The following GRIP1 variants were observed in gnomAD, a reference collection of about 807,000 sequenced individuals.
GRIP1 encodes glutamate receptor interacting protein 1.
In GRIP1, 45 loss-of-function variants were observed where a neutral mutation model predicts 129.9. The ratio of observed to expected loss-of-function variants is 0.35; its 90% CI spans 0.27 to 0.44. GRIP1 has a LOEUF of 0.44. Among genes scored for constraint, GRIP1 ranks in the 20% least tolerant of loss-of-function variants. GRIP1 has a pLI of 1.00. For synonymous variants in GRIP1, 530 were observed against 520.8 expected (o/e 1.02, Z -0.24); for missense variants, 1,196 against 1,396.8 (o/e 0.86, Z 2.29).
intron 16 of GRIP1, among the ~76,000 whole-genome samples, 179 bp from the exon 17 acceptor site, chr12:66,394,531 T>C (rs2056717743): frequency 6.6e-6 from 1 of 152,230 alleles, no homozygotes; most frequent in African/African-American, 2.4e-5. Context: ...TACAGGGATA[T>C]AATCATTGTC....
chr12:66,774,807 TG>T (rs1168361353), intron 1 of GRIP1, among the ~76,000 whole-genome samples: 3 of 152,204 alleles, frequency 2.0e-5, no homozygotes, highest in Non-Finnish European at 4.4e-5. Context: ...TTTTAAGGGC[TG>T]GCTTAGAATC....
chr12:66,430,213 C>CT (rs1274113421), intron 14 of GRIP1, among the ~76,000 whole-genome samples: 1 of 152,054 alleles, frequency 6.6e-6, no homozygotes, highest in East Asian at 1.9e-4. Flanking sequence ...TTTTGTTTTT[C>CT]TTTTTTTAAA....
rs1387423697 is a variant in GRIP1 at position 66,945,563 on chromosome 12, AG to A, written c.58+123486del. Among the ~76,000 whole-genome samples, 7 of 149,918 alleles carry A rather than the reference AG, an allele frequency of 4.7e-5. 1 individual carries two copies. In the Middle Eastern group the frequency reaches 0.017, roughly 364 times the overall value. On this transcript the variant is annotated intron_variant, in intron 1 of 1. Transcript: ENST00000643019. ...GCAAAGGCAAAAGCAGAAGCAAGAG[AG>A]TGGGAGGGGGTGGGAGGTGCCACAT...
At chr12:66,691,852 A>G (rs764054764) in intron 1 of GRIP1, among the ~76,000 whole-genome samples, 1 of 152,212 alleles carries the variant, frequency 6.6e-6, no homozygotes, top group Non-Finnish European at 1.5e-5. Flanking sequence ...TATTTTGCAG[A>G]AGCATGCTAA....
At chr12:66,703,443 G>A (rs2035417982) in intron 1 of GRIP1, among the ~76,000 whole-genome samples, 2 of 152,052 alleles carry the variant, frequency 1.3e-5, no homozygotes, top group Non-Finnish European at 2.9e-5. Context: ...CATGGGAGAG[G>A]GCAAAGGGAG....
intron 1 of GRIP1, among the ~76,000 whole-genome samples, chr12:67,049,757 CTTT>C (rs2043311746): frequency 6.7e-6 from 1 of 150,066 alleles, no homozygotes; most frequent in Admixed American, 6.6e-5. Context: ...GACTTAGCTT[CTTT>C]AAGCCCTTTG....
chr12:66,962,680 T>A (rs1005819619), intron 1 of GRIP1, among the ~76,000 whole-genome samples: 2 of 152,086 alleles, frequency 1.3e-5, no homozygotes, highest in Non-Finnish European at 2.9e-5. Context: ...TTCGAGGTCC[T>A]AAATAAAGAT....
chr12:66,475,792 C>A (rs919124468), intron 7 of GRIP1, among the ~76,000 whole-genome samples: 1 of 152,124 alleles, frequency 6.6e-6, no homozygotes, highest in East Asian at 1.9e-4. Context: ...AGAACAAAGA[C>A]ACAACATACC....
chr12:66,367,089 A>G (rs1419158260), intron 23 of GRIP1, among the ~76,000 whole-genome samples: 1 of 152,198 alleles, frequency 6.6e-6, no homozygotes, highest in Non-Finnish European at 1.5e-5. Flanking sequence ...GCCAGAACTC[A>G]TTTCAGAAAC....
chr12:66,628,415 C>T (rs1017314269), intron 1 of GRIP1, among the ~76,000 whole-genome samples: 1 of 152,138 alleles, frequency 6.6e-6, no homozygotes, highest in Non-Finnish European at 1.5e-5. Context: ...CTAACATGTA[C>T]AAGGAACCAG....
intron 1 of GRIP1, among the ~76,000 whole-genome samples, chr12:66,641,852 C>T (rs866773526): frequency 3.9e-5 from 6 of 151,924 alleles, no homozygotes; most frequent in Non-Finnish European, 7.4e-5. Context: ...TGAACATATG[C>T]GAAGTAGAAA....
chr12:66,412,235 A>G (rs1486092974), intron 15 of GRIP1, among the ~76,000 whole-genome samples: 2 of 152,168 alleles, frequency 1.3e-5, no homozygotes, highest in South Asian at 4.1e-4. Context: ...CCAGAAAGAA[A>G]AGCCAGGACG....
intron 2 of GRIP1, among the ~76,000 whole-genome samples, chr12:66,588,339 C>T (rs1331511680): frequency 1.3e-5 from 2 of 152,060 alleles, no homozygotes; most frequent in African/African-American, 4.8e-5. Flanking sequence ...GGCATGAGCC[C>T]TGTGACCCCA....
At chr12:66,927,009 C>T (rs1401228038) in intron 1 of GRIP1, among the ~76,000 whole-genome samples, 2 of 152,184 alleles carry the variant, frequency 1.3e-5, no homozygotes, top group South Asian at 2.1e-4. Flanking sequence ...AGGTGCTACG[C>T]TAAGTATTCT....
At chr12:66,950,011 C>T (rs574165892) in intron 1 of GRIP1, among the ~76,000 whole-genome samples, 38 of 151,818 alleles carry the variant, frequency 2.5e-4, no homozygotes, top group African/African-American at 8.0e-4. Context: ...CTCCTGACCT[C>T]GTGATCCACC....
At chr12:66,721,151 C>T (rs2036044550) in intron 1 of GRIP1, among the ~76,000 whole-genome samples, 1 of 152,158 alleles carries the variant, frequency 6.6e-6, no homozygotes, top group Non-Finnish European at 1.5e-5. Flanking sequence ...GCTCTTGCAT[C>T]ACGGTACATT....
chr12:66,916,241 G>A (rs2041119205), intron 1 of GRIP1, among the ~76,000 whole-genome samples: 1 of 152,202 alleles, frequency 6.6e-6, no homozygotes, highest in Non-Finnish European at 1.5e-5. Context: ...ATTTTAGGTT[G>A]GGGCCCCTGC....
At chr12:67,038,390 G>A (rs2043129601) in intron 1 of GRIP1, among the ~76,000 whole-genome samples, 1 of 152,028 alleles carries the variant, frequency 6.6e-6, no homozygotes, top group Non-Finnish European at 1.5e-5. Context: ...GGTGTTTGTG[G>A]CTTGCAATAA....
chr12:66,649,694 A>G (rs1383584300), intron 1 of GRIP1, among the ~76,000 whole-genome samples: 2 of 152,246 alleles, frequency 1.3e-5, no homozygotes, highest in Non-Finnish European at 2.9e-5. Context: ...GGAAATTGGT[A>G]AAGTTTCATT....
Sources: allele counts gnomAD v4.1 joint callset (sites outside exome capture counted in the v4.1 genomes callset), GRCh38; gene constraint gnomAD v4.1.1; transcripts MANE v1.5; gene names NCBI Gene and HGNC (gene_info 2026-07-23, HGNC 2026-07-21).